The following DHX30 variants were observed in gnomAD, a reference collection of about 807,000 sequenced individuals.
DHX30 encodes the protein DExH-box helicase 30.
A neutral mutation model predicts 116.9 loss-of-function variants in DHX30; 4 were observed. That is an observed-to-expected ratio of 0.03 (90% confidence interval 0.02 to 0.08). DHX30 has a LOEUF of 0.08. Among genes scored for constraint, DHX30 ranks in the 10% least tolerant of loss-of-function variants. The pLI is 1.00. For missense variants in DHX30, 871 were observed against 1,595.1 expected, an observed-to-expected ratio of 0.55 and a Z score of 7.73; for synonymous variants, 697 against 651.7, an observed-to-expected ratio of 1.07 and a Z score of -1.06.
chr3:47,845,819 C>T lies in DHX30; in HGVS notation c.1059C>T (p.Pro353=). 2 of 1,610,096 alleles carry T rather than the reference C, an allele frequency of 1.2e-6. No individual in the cohort carries two copies. Among genetic ancestry groups the T allele is most frequent in the Non-Finnish European group, 1.7e-6 (2 of 1,176,740 alleles). Residue 353 remains proline (P), a synonymous_variant, in exon 10 of 22, where the codon CCC becomes CCT. Coordinates refer to ENST00000445061, the MANE Select transcript of DHX30 (RefSeq NM_138615.3). ...RRPCTIQVPE[P]ILRKIETFLN... ...CATGCACCATCCAGGTGCCCGAGCC[C>T]ATCCTCCGCAAGATAGAGACCTTCC...
intron 4 of DHX30, chr3:47,822,136 A>C (rs1288546274): frequency 2.0e-5 from 3 of 152,218 alleles, no homozygotes; most frequent in East Asian, 1.9e-4. Context: ...TAGTTTTCCA[A>C]CTCCTGCTCT....
chr3:47,810,876 G>C (rs2035757615), intron 3 of DHX30, among the ~76,000 whole-genome samples, 165 bp downstream of exon 3: 1 of 152,088 alleles, frequency 6.6e-6, no homozygotes, highest in Non-Finnish European at 1.5e-5. Context: ...CTTAGAATCT[G>C]TGCCAACCCT....
At chr3:47,829,834 T>C (rs905179998) in intron 6 of DHX30, among the ~76,000 whole-genome samples, 1 of 151,920 alleles carries the variant, frequency 6.6e-6, no homozygotes, top group African/African-American at 2.4e-5. Flanking sequence ...TTTTTTAAAT[T>C]TTTTAATTTT....
intron 1 of DHX30, among the ~76,000 whole-genome samples, 193 bp from the exon 2 acceptor site, chr3:47,805,133 G>T (rs568331772): frequency 6.6e-6 from 1 of 152,324 alleles, no homozygotes; most frequent in Non-Finnish European, 1.5e-5. Flanking sequence ...AGGTGCTGGT[G>T]TAGGACAGCT....
rs756990023 is a variant in DHX30, at chr3:47,827,352, A to G, written c.130A>G (p.Arg44Gly). 1 of 1,607,702 alleles carries G rather than the reference A, an allele frequency of 6.2e-7. No individual in the cohort carries two copies. The highest frequency in any genetic ancestry group is 8.5e-7 in the Non-Finnish European group (1 of 1,178,412). ...TPGGTISRAS[R>G]DLLKEFPQPK... ...TTTTGTTCTTATTTTCTTAGCTTCT[A>G]GGGACCTATTAAAAGAGTTCCCACA... Residue 44 changes from arginine (R) to glycine (G), a missense_variant, in exon 5 of 22, where the codon AGG (arginine) becomes GGG (glycine). Transcript: ENST00000445061.
chr3:47,842,966 C>A, intron 8 of DHX30, 140 bp from the exon 9 acceptor site: 1 of 1,058,336 alleles, frequency 9.4e-7, no homozygotes, highest in Non-Finnish European at 1.4e-6. Context: ...TATGCAGCAG[C>A]ACCTCTAGCA....
At position 47,831,586 on chromosome 3, in the gene DHX30, G is replaced by C. The variant is rs139819050; in HGVS notation, c.366+2452G>C. Among the ~76,000 whole-genome samples the C allele has an allele frequency of 2.9e-3, 447 of 151,588 alleles. 4 individuals carry two copies. Among genetic ancestry groups the C allele is most frequent in the African/African-American group, 0.01 (422 of 41,266 alleles). On this transcript the variant is annotated intron_variant, in intron 6 of 21. Transcript: ENST00000445061. ...ATTCAGTGCTCTGATTTTTTCCCTTGGCTCTGATCCACTGCAAACAGCTCT... is the reference window on the plus strand; with the variant it reads ...ATTCAGTGCTCTGATTTTTTCCCTTCGCTCTGATCCACTGCAAACAGCTCT...
intron 4 of DHX30, chr3:47,819,169 C>T (rs928948345): frequency 1.2e-5 from 16 of 1,326,804 alleles, no homozygotes; most frequent in East Asian, 4.6e-5. Context: ...ACCCCCCTAC[C>T]GTTACCAAAA....
intron 10 of DHX30, 67 bp from the exon 11 acceptor site, chr3:47,846,096 CAG>C: frequency 6.6e-7 from 1 of 1,526,092 alleles, no homozygotes; most frequent in Non-Finnish European, 8.9e-7. Context: ...GCGAATCCTG[CAG>C]AGTGGCTGGT....
Position 47,846,551 on chromosome 3 carries a change from C to A in DHX30, c.1479C>A (p.Arg493=), listed in dbSNP as rs752764293. 33 of 1,614,036 alleles carry A rather than the reference C, an allele frequency of 2.0e-5. No individual in the cohort carries two copies. The highest frequency in any genetic ancestry group is 2.6e-5 in the Non-Finnish European group (31 of 1,180,048). ...RCNVIITQPR[R]ISAVSVAQRV... ...ATGTTATCATCACCCAACCTCGCCG[C>A]ATCTCTGCTGTGTCTGTGGCACAGC... is the stretch of plus-strand genomic sequence containing the variant. The change falls in exon 11 of 22, where the codon CGC becomes CGA. Residue 493 remains arginine (R), a synonymous_variant. Transcript: ENST00000445061.
intron 6 of DHX30, among the ~76,000 whole-genome samples, chr3:47,836,246 C>T (rs966785189): frequency 6.6e-6 from 1 of 152,108 alleles, no homozygotes; most frequent in African/African-American, 2.4e-5. Context: ...TCTCCTGCCT[C>T]AGCCTCCCTC....
chr3:47,813,567 A>G (rs1425935916), intron 3 of DHX30, among the ~76,000 whole-genome samples: 2 of 152,212 alleles, frequency 1.3e-5, no homozygotes, highest in Admixed American at 6.5e-5. Flanking sequence ...CTGAAGAGTA[A>G]AGGGCCTGTA....
chr3:47,820,434 C>T (rs2036247557), intron 4 of DHX30, among the ~76,000 whole-genome samples: 1 of 152,134 alleles, frequency 6.6e-6, no homozygotes, highest in Non-Finnish European at 1.5e-5. Context: ...TCCTTGCCAG[C>T]CAAGTGGATC....
Position 47,849,543 on chromosome 3 carries a change from G to T in DHX30, c.3180G>T (p.Ser1060=), listed in dbSNP as rs144662383. 11 of 1,609,588 alleles carry T rather than the reference G, an allele frequency of 6.8e-6. No individual in the cohort carries two copies. Among genetic ancestry groups the T allele is most frequent in the Non-Finnish European group, 8.5e-6 (10 of 1,176,498 alleles). ...TKSGNILLHK[S]TINREATRLR... ...CAGGCAACATCCTGCTGCACAAGTC[G>T]ACCATTAACAGGTGAGGGCATGCAG... The change falls in exon 20 of 22, where the codon TCG becomes TCT. Residue 1060 remains serine (S), a synonymous_variant. Transcript: ENST00000445061.
At chr3:47,821,639 T>G (rs1242307167) in intron 4 of DHX30, among the ~76,000 whole-genome samples, 1 of 151,046 alleles carries the variant, frequency 6.6e-6, no homozygotes, top group Admixed American at 6.6e-5. Flanking sequence ...CACTCTGTTG[T>G]CCAGGCTGGA....
At chr3:47,831,068 TC>T (rs1323710762) in intron 6 of DHX30, 4 of 151,912 alleles carry the variant, frequency 2.6e-5, no homozygotes, top group Non-Finnish European at 1.5e-5. Context: ...TTTTCTCTGT[TC>T]CTGTAATAGT....
intron 3 of DHX30, among the ~76,000 whole-genome samples, chr3:47,811,480 C>T (rs947161858): frequency 5.9e-5 from 9 of 152,244 alleles, no homozygotes; most frequent in South Asian, 2.1e-4. Flanking sequence ...GCCAGCATTT[C>T]GCACATAGTA....
rs560895632 is a variant in DHX30 at position 47,821,253 on chromosome 3, GC to G, written c.124+3138del. ...TTACAGGCATGAGCCACCATGCCTG[GC>G]CTTTTTCCTAACTTTCTTTTTTCTT... On this transcript the variant is annotated intron_variant, in intron 4 of 21. Coordinates refer to ENST00000445061, the MANE Select transcript of DHX30 (RefSeq NM_138615.3). Among the ~76,000 whole-genome samples, 168 of 150,140 alleles carry G rather than the reference GC, an allele frequency of 1.1e-3. 2 individuals are homozygous for G. In the South Asian group the frequency reaches 0.014, roughly 13 times the overall value.
At chr3:47,841,540 A>T (rs1433505541) in intron 7 of DHX30, 77 bp from the exon 8 acceptor site, 1 of 1,596,920 alleles carries the variant, frequency 6.3e-7, no homozygotes, top group Non-Finnish European at 8.5e-7. Flanking sequence ...CAGCGTCCTC[A>T]CCCCTACATC....
Sources: allele counts gnomAD v4.1 joint callset (sites outside exome capture counted in the v4.1 genomes callset), GRCh38; gene constraint gnomAD v4.1.1; transcripts MANE v1.5; gene names NCBI Gene and HGNC (gene_info 2026-07-23, HGNC 2026-07-21).